Variants in PTPRQ observed in about 807,000 individuals in gnomAD.
PTPRQ encodes protein tyrosine phosphatase receptor type Q.
In PTPRQ, 199 loss-of-function variants were observed where a neutral mutation model predicts 246.0. The observed-to-expected ratio is 0.81, with a 90% CI of 0.72 to 0.91. PTPRQ has a LOEUF of 0.91. Among genes scored for constraint, PTPRQ ranks in the 40% least tolerant of loss-of-function variants. The pLI, the probability that PTPRQ is intolerant of heterozygous loss-of-function variation, is 0.00. For missense variants in PTPRQ, 2,624 were observed against 2,528.4 expected, an observed-to-expected ratio of 1.04 and a Z score of -0.81; for synonymous variants, 869 against 853.2, an observed-to-expected ratio of 1.02 and a Z score of -0.32.
At chr12:80,593,746 T>C (rs527975452) in intron 26 of PTPRQ, 3 of 151,412 alleles carry the variant, frequency 2.0e-5, no homozygotes, top group Admixed American at 2.0e-4. Flanking sequence ...GCAGTTTGAG[T>C]GGTGTGTGTA....
intron 25 of PTPRQ, among the ~76,000 whole-genome samples, chr12:80,576,551 C>T (rs1441493967): frequency 6.6e-6 from 1 of 152,112 alleles, no homozygotes; most frequent in Non-Finnish European, 1.5e-5. Context: ...ATTCATCTAT[C>T]CGTCTGTTGA....
chr12:80,456,091 C>T (rs1053186163), intron 3 of PTPRQ, among the ~76,000 whole-genome samples: 1 of 152,102 alleles, frequency 6.6e-6, no homozygotes, highest in Non-Finnish European at 1.5e-5. Flanking sequence ...ACATCAATAT[C>T]TTCTTTGAAC....
chr12:80,634,940 T>C lies in PTPRQ; in HGVS notation c.5787-5T>C. Reference sequence around the variant, plus strand: ...CCTTCTTGGACTTTACTCCGCTTGTTTTAGAATTCGACAGAAGCAGAAAGA... The same window carrying C: ...CCTTCTTGGACTTTACTCCGCTTGTCTTAGAATTCGACAGAAGCAGAAAGA... On this transcript the variant is annotated splice_polypyrimidine_tract_variant and splice_region_variant and intron_variant, in intron 34 of 44. Coordinates refer to ENST00000644991, the MANE Select transcript of PTPRQ (RefSeq NM_001145026.2). 6.5e-7 allele frequency: 1 copy of C among 1,550,040 alleles called. No homozygotes were observed. The highest frequency in any genetic ancestry group is 8.7e-7 in the Non-Finnish European group (1 of 1,146,172).
At chr12:80,612,221 G>A (rs1269000295) in intron 28 of PTPRQ, among the ~76,000 whole-genome samples, 1 of 150,132 alleles carries the variant, frequency 6.7e-6, no homozygotes, top group Non-Finnish European at 1.5e-5. Flanking sequence ...TTTTAATAAT[G>A]TATTGGTGCT....
chr12:80,543,298 T>A (rs1896209368), intron 23 of PTPRQ, among the ~76,000 whole-genome samples: 1 of 151,936 alleles, frequency 6.6e-6, no homozygotes, highest in African/African-American at 2.4e-5. Context: ...CCAGATAGCA[T>A]ATGATCCTAC....
In PTPRQ at chr12:80,518,660, G is replaced by A. The variant is rs188623042; in HGVS notation, c.2678+8217G>A. 5.3e-4 allele frequency among the ~76,000 whole-genome samples: 80 copies of A among 152,208 alleles called. 1 individual carries two copies. The East Asian group carries it at 0.015, about 28-fold the overall frequency. On this transcript the variant is annotated intron_variant, in intron 17 of 44. Coordinates refer to ENST00000644991, the MANE Select transcript of PTPRQ (RefSeq NM_001145026.2). ...TTTTGATTTAATTTTTGTATATGGT[G>A]AAAGATGGAGGTCAAGTTTCATTCT... is the stretch of plus-strand genomic sequence containing the variant.
rs1382996632 is a variant in PTPRQ at position 80,610,585 on chromosome 12, G to A, written c.4878G>A (p.Gly1626=). The change falls in exon 28 of 45, where the codon GGG becomes GGA. Residue 1626 remains glycine, a synonymous_variant. Coordinates refer to ENST00000644991, the MANE Select transcript of PTPRQ (RefSeq NM_001145026.2). ...ACATTAGTGCTGCATATGTAGAAGG[G>A]AAGTCAAGTGCTGAAATGATTGTTA... ...TGNISAAYVE[G]KSSAEMIVTT... is the part of the protein sequence containing the mutation. 1.3e-6 allele frequency: 2 copies of A among 1,543,524 alleles called. No individual in the cohort carries two copies. Among genetic ancestry groups the A allele is most frequent in the Admixed American group, 2.0e-5 (1 of 50,640 alleles).
chr12:80,540,965 A>G (rs1896132835), intron 20 of PTPRQ, among the ~76,000 whole-genome samples: 1 of 152,068 alleles, frequency 6.6e-6, no homozygotes, highest in Non-Finnish European at 1.5e-5. Context: ...TAATATCACA[A>G]TACAACTTAT....
chr12:80,578,784 G>T (rs1398837755), intron 25 of PTPRQ, among the ~76,000 whole-genome samples: 5 of 152,014 alleles, frequency 3.3e-5, no homozygotes, highest in South Asian at 2.1e-4. Flanking sequence ...CTCTTTATGG[G>T]TTTTTTCAGA....
chr12:80,644,878 A>G (rs1467511530), intron 35 of PTPRQ, among the ~76,000 whole-genome samples: 1 of 152,102 alleles, frequency 6.6e-6, no homozygotes, highest in African/African-American at 2.4e-5. Context: ...ACTACAGACA[A>G]CAATGAGGAA....
intron 28 of PTPRQ, 72 bp downstream of exon 28, chr12:80,610,697 C>G: frequency 6.7e-7 from 1 of 1,485,386 alleles, no homozygotes; most frequent in Non-Finnish European, 9.0e-7. Flanking sequence ...TCATCATACT[C>G]CACCAAAAAA....
At chr12:80,668,419 G>A (rs1460453015) in intron 39 of PTPRQ, among the ~76,000 whole-genome samples, 2 of 151,858 alleles carry the variant, frequency 1.3e-5, no homozygotes, top group South Asian at 2.1e-4. Flanking sequence ...GACAGTAAAT[G>A]CCACTAGACT....
At chr12:80,446,078 A>T (rs1892544608) in intron 3 of PTPRQ, among the ~76,000 whole-genome samples, 1 of 151,912 alleles carries the variant, frequency 6.6e-6, no homozygotes, top group African/African-American at 2.4e-5. Context: ...GAATGCAGGT[A>T]TGTAAACCAC....
At chr12:80,633,760 T>C (rs1899532054) in intron 34 of PTPRQ, among the ~76,000 whole-genome samples, 1 of 152,208 alleles carries the variant, frequency 6.6e-6, no homozygotes, top group Non-Finnish European at 1.5e-5. Context: ...GCACTTTGAA[T>C]GCTATAATGT....
chr12:80,609,496 A>G (rs955920715), intron 27 of PTPRQ, among the ~76,000 whole-genome samples: 2 of 150,618 alleles, frequency 1.3e-5, no homozygotes, highest in Non-Finnish European at 3.0e-5. Context: ...GAATTTTCTC[A>G]TGGTTATCTT....
intron 3 of PTPRQ, among the ~76,000 whole-genome samples, chr12:80,449,493 G>T (rs1892673201): frequency 1.3e-5 from 2 of 152,144 alleles, no homozygotes; most frequent in African/African-American, 4.8e-5. Context: ...TACTTCTAGG[G>T]TTTTTATGGT....
Position 80,496,473 on chromosome 12 carries a change from C to A in PTPRQ, c.2214C>A (p.Thr738=). The A allele has an allele frequency of 6.4e-7, 1 of 1,550,418 alleles. No homozygotes were observed. Among genetic ancestry groups the A allele is most frequent in the Admixed American group, 2.0e-5 (1 of 50,900 alleles). ...TLYNISVRSY[T]RFGHGNQVSS... ...ATAACATTTCTGTAAGGTCTTACAC[C>A]AGATTTGGTCATGGCAATCAGGTAT... Residue 738 remains threonine, a synonymous_variant, in exon 14 of 45, where the codon ACC becomes ACA. Coordinates refer to ENST00000644991, the MANE Select transcript of PTPRQ (RefSeq NM_001145026.2).
intron 43 of PTPRQ, 58 bp from the exon 44 acceptor site, chr12:80,678,543 TC>T (rs1901217585): frequency 2.0e-6 from 3 of 1,478,668 alleles, no homozygotes. Flanking sequence ...ACAATATAAC[TC>T]CCTTTATGAA....
At position 80,669,329 on chromosome 12, in the gene PTPRQ, C is replaced by G; in HGVS notation, c.6328-10C>G. The G allele has an allele frequency of 6.5e-7, 1 of 1,548,290 alleles. No individual in the cohort carries two copies. Among genetic ancestry groups the G allele is most frequent in the Non-Finnish European group, 8.7e-7 (1 of 1,145,634 alleles). On this transcript the variant is annotated splice_polypyrimidine_tract_variant and intron_variant, in intron 40 of 44. Coordinates refer to ENST00000644991, the MANE Select transcript of PTPRQ (RefSeq NM_001145026.2). ...TGACGCTTATGACTGATGATTTTCTCTGAATGCAGATCAGATGCCATCAGT... is the reference window on the plus strand; with the variant it reads ...TGACGCTTATGACTGATGATTTTCTGTGAATGCAGATCAGATGCCATCAGT...
Sources: allele counts gnomAD v4.1 joint callset (sites outside exome capture counted in the v4.1 genomes callset), GRCh38; gene constraint gnomAD v4.1.1; transcripts MANE v1.5; gene names NCBI Gene and HGNC (gene_info 2026-07-23, HGNC 2026-07-21).